SNX9: variants seen among roughly 807,000 people sequenced by gnomAD.
SNX9 encodes the protein sorting nexin 9.
In SNX9, 44 loss-of-function variants were observed where a neutral mutation model predicts 89.4. The observed-to-expected ratio is 0.49, with a 90% CI of 0.39 to 0.63. The LOEUF is 0.63. Ranked by LOEUF, SNX9 falls within the 30% of genes least tolerant of loss-of-function variation. The probability of loss-of-function intolerance (pLI) is 0.00; values close to 1 mark genes in which losing one functional copy is unlikely to be tolerated. For synonymous variants in SNX9, 236 were observed against 247.8 expected (o/e 0.95, Z 0.45); for missense variants, 578 against 736.1 (o/e 0.79, Z 2.49).
chr6:157,865,303 C>T (rs749014251), intron 1 of SNX9, among the ~76,000 whole-genome samples: 11 of 147,874 alleles, frequency 7.4e-5, no homozygotes, highest in Non-Finnish European at 1.6e-4. Flanking sequence ...GGCATCACTG[C>T]ACTCCAGCCT....
In SNX9 at chr6:157,843,121, C is replaced by T. The variant is rs554954123; in HGVS notation, c.12+19675C>T. ...AATTATAATTTTGCAAAGGTGGTTT[C>T]AAGGAGATGAAGCCTTCTAAGCCTT... is the stretch of plus-strand genomic sequence containing the variant. On this transcript the variant is annotated intron_variant, in intron 1 of 17. Coordinates refer to ENST00000392185, the MANE Select transcript of SNX9 (RefSeq NM_016224.5). Among the ~76,000 whole-genome samples, 10 of 152,192 alleles carry T rather than the reference C, an allele frequency of 6.6e-5. No individual in the cohort carries two copies. In the South Asian group the frequency reaches 8.3e-4, roughly 13 times the overall value.
intron 4 of SNX9, among the ~76,000 whole-genome samples, chr6:157,881,671 A>C (rs528434559): frequency 1.3e-5 from 2 of 152,350 alleles, no homozygotes; most frequent in African/African-American, 4.8e-5. Flanking sequence ...CTTATTGCTG[A>C]TAAGGAGAAG....
chr6:157,911,661 T>C (rs185190568), intron 9 of SNX9, among the ~76,000 whole-genome samples: 1 of 152,342 alleles, frequency 6.6e-6, no homozygotes, highest in East Asian at 1.9e-4. Context: ...TCTGATCCCA[T>C]AGCTTACTCT....
intron 1 of SNX9, among the ~76,000 whole-genome samples, chr6:157,862,900 A>T (rs182602832): frequency 1.3e-5 from 2 of 152,268 alleles, no homozygotes; most frequent in East Asian, 3.9e-4. Context: ...AAGTGACAAG[A>T]TGTGGACTGA....
chr6:157,927,231 G>C lies in SNX9; in HGVS notation c.1184+17G>C, dbSNP rs943608698. ...AGTAGAAATGTGAGAGACGCTGCCA[G>C]GTTTTCTTTCTTCTCAATCCGCACC... On this transcript the variant is annotated intron_variant, in intron 11 of 17. Coordinates refer to ENST00000392185, the MANE Select transcript of SNX9 (RefSeq NM_016224.5). The C allele has an allele frequency of 2.5e-6, 4 of 1,576,814 alleles. No homozygotes were observed. The highest frequency in any genetic ancestry group is 2.7e-5 in the African/African-American group (2 of 74,140).
intron 1 of SNX9, among the ~76,000 whole-genome samples, chr6:157,848,350 G>T (rs1015515154): frequency 6.6e-6 from 1 of 152,126 alleles, no homozygotes; most frequent in Non-Finnish European, 1.5e-5. Context: ...AAAAAACTGG[G>T]CAGGCTATTA....
intron 4 of SNX9, among the ~76,000 whole-genome samples, chr6:157,895,191 T>C (rs1256116491): frequency 6.6e-6 from 1 of 152,232 alleles, no homozygotes; most frequent in Non-Finnish European, 1.5e-5. Flanking sequence ...AGGTGAACTG[T>C]GGGACACAGT....
chr6:157,850,689 G>T (rs1175988126), intron 1 of SNX9, among the ~76,000 whole-genome samples: 1 of 152,112 alleles, frequency 6.6e-6, no homozygotes, highest in Non-Finnish European at 1.5e-5. Context: ...GTGTTTCATT[G>T]TCAAGCTCCA....
intron 13 of SNX9, among the ~76,000 whole-genome samples, chr6:157,935,664 A>G (rs11756159): frequency 0.23 from 35,263 of 152,064 alleles, 4,258 homozygotes; most frequent in African/African-American, 0.28. Flanking sequence ...CAGTCTCGTC[A>G]TAGGTGTCAT....
In SNX9 at chr6:157,891,792, G is replaced by A. The variant is rs117509283; in HGVS notation, c.301-5035G>A. 6.8e-3 allele frequency among the ~76,000 whole-genome samples: 1,041 copies of A among 152,344 alleles called. 7 individuals are homozygous for A. Among genetic ancestry groups the A allele is most frequent in the South Asian group, 0.02 (99 of 4,832 alleles). ...TGGGGTAGGGCTTTGCTAAATTGAG[G>A]AAGATGAGGTGTGCAGATAAGAGTA... On this transcript the variant is annotated intron_variant, in intron 4 of 17. Coordinates refer to ENST00000392185, the MANE Select transcript of SNX9 (RefSeq NM_016224.5).
At chr6:157,832,170 G>T (rs937810682) in intron 1 of SNX9, among the ~76,000 whole-genome samples, 1 of 152,172 alleles carries the variant, frequency 6.6e-6, no homozygotes, top group Non-Finnish European at 1.5e-5. Flanking sequence ...TGAAAATCGA[G>T]TCATATGGTA....
At chr6:157,832,017 T>C (rs1781487609) in intron 1 of SNX9, among the ~76,000 whole-genome samples, 1 of 152,252 alleles carries the variant, frequency 6.6e-6, no homozygotes, top group Non-Finnish European at 1.5e-5. Context: ...TTTCAAAACT[T>C]TCCAATTGAT....
At chr6:157,851,080 A>T (rs1224234077) in intron 1 of SNX9, among the ~76,000 whole-genome samples, 1 of 152,040 alleles carries the variant, frequency 6.6e-6, no homozygotes, top group African/African-American at 2.4e-5. Context: ...ACATGGTGAA[A>T]CCCTATTTCT....
Position 157,943,470 on chromosome 6 carries a change from C to T in SNX9, c.*632C>T, listed in dbSNP as rs998568985. 6.6e-6 allele frequency: 1 copy of T among 152,346 alleles called. No homozygotes were observed. The highest frequency in any genetic ancestry group is 2.4e-5 in the African/African-American group (1 of 41,444). 9.4% of individuals were successfully genotyped at this position (152,346 alleles called of 1,614,324 possible). ...GTGTGGCAGGTGGGCCATCCCATGT[C>T]CCTCCAGGGGGACCCCACAGCCTGG... On this transcript the variant is annotated 3_prime_UTR_variant, in exon 18 of 18. Transcript: ENST00000392185.
At chr6:157,843,060 G>T (rs1781733829) in intron 1 of SNX9, among the ~76,000 whole-genome samples, 1 of 152,168 alleles carries the variant, frequency 6.6e-6, no homozygotes, top group South Asian at 2.1e-4. Context: ...GATAGAGTTG[G>T]TTAGGTCTGA....
chr6:157,898,590 C>A (rs919833931), intron 5 of SNX9, among the ~76,000 whole-genome samples: 3 of 152,130 alleles, frequency 2.0e-5, no homozygotes, highest in Non-Finnish European at 2.9e-5. Context: ...GTTTTAACTT[C>A]CTGTTTGACT....
At chr6:157,866,254 A>G (rs191239205) in intron 1 of SNX9, among the ~76,000 whole-genome samples, 19 of 152,312 alleles carry the variant, frequency 1.2e-4, no homozygotes, top group Admixed American at 6.5e-4. Flanking sequence ...CTCCAGCCAG[A>G]ATAGCTTTGT....
At chr6:157,860,106 G>A (rs997046984) in intron 1 of SNX9, among the ~76,000 whole-genome samples, 15 of 152,208 alleles carry the variant, frequency 9.9e-5, no homozygotes, top group Non-Finnish European at 2.1e-4. Flanking sequence ...TTACTATCTG[G>A]TCCTGTACAG....
chr6:157,882,530 C>T (rs1347309750), intron 4 of SNX9, among the ~76,000 whole-genome samples: 1 of 152,126 alleles, frequency 6.6e-6, no homozygotes, highest in Admixed American at 6.6e-5. Flanking sequence ...CAAAGTACAT[C>T]GAAAACCTTC....
Sources: allele counts gnomAD v4.1 joint callset (sites outside exome capture counted in the v4.1 genomes callset), GRCh38; gene constraint gnomAD v4.1.1; transcripts MANE v1.5; gene names NCBI Gene and HGNC (gene_info 2026-07-23, HGNC 2026-07-21).